The following KCND2 variants were observed in gnomAD, a reference collection of about 807,000 sequenced individuals.
KCND2 encodes the protein potassium voltage-gated channel subfamily D member 2, also known as A-type voltage-gated potassium channel KCND2.
KCND2 carries 16 observed loss-of-function variants against 54.4 expected under a neutral mutation model. The observed-to-expected ratio is 0.29, with a 90% CI of 0.20 to 0.45. The LOEUF (loss-of-function observed/expected upper bound fraction) is 0.45, where lower values mean the gene tolerates loss of function less well. KCND2 is among the 20% of genes least tolerant of loss of function. KCND2 has a pLI of 1.00. For missense variants in KCND2, 486 were observed against 824.2 expected (o/e 0.59, Z 5.02); for synonymous variants, 317 against 310.7 (o/e 1.02, Z -0.21).
chr7:120,313,826 T>A (rs1799774818), intron 1 of KCND2, among the ~76,000 whole-genome samples: 1 of 151,668 alleles, frequency 6.6e-6, no homozygotes, highest in Admixed American at 6.6e-5. Flanking sequence ...GATATTCTAC[T>A]GTAAGACATA....
At chr7:120,730,705 A>C (rs1243064128) in intron 1 of KCND2, among the ~76,000 whole-genome samples, 1 of 152,158 alleles carries the variant, frequency 6.6e-6, no homozygotes, top group Non-Finnish European at 1.5e-5. Flanking sequence ...GAGTACCTGG[A>C]TCTTCAAATC....
intron 1 of KCND2, among the ~76,000 whole-genome samples, chr7:120,530,809 A>G (rs548605311): frequency 1.3e-5 from 2 of 152,224 alleles, no homozygotes; most frequent in African/African-American, 4.8e-5. Context: ...AGTACCTGCA[A>G]TTCGTTGACA....
At chr7:120,285,460 A>G (rs1478926860) in intron 1 of KCND2, among the ~76,000 whole-genome samples, 1 of 152,022 alleles carries the variant, frequency 6.6e-6, no homozygotes, top group Non-Finnish European at 1.5e-5. Context: ...ACATTACTAT[A>G]GTTAGAAAAA....
At chr7:120,501,585 T>C (rs1802936131) in intron 1 of KCND2, among the ~76,000 whole-genome samples, 1 of 152,132 alleles carries the variant, frequency 6.6e-6, no homozygotes, top group African/African-American at 2.4e-5. Context: ...CTGAAATTAT[T>C]TGTAAAAGTG....
chr7:120,452,037 C>T (rs947179624), intron 1 of KCND2, among the ~76,000 whole-genome samples: 1 of 152,198 alleles, frequency 6.6e-6, no homozygotes, highest in African/African-American at 2.4e-5. Context: ...AATTTGATCA[C>T]TTTCTTCCTA....
At chr7:120,574,799 A>G (rs550867112) in intron 1 of KCND2, among the ~76,000 whole-genome samples, 57 of 152,270 alleles carry the variant, frequency 3.7e-4, no homozygotes, top group Admixed American at 7.9e-4. Flanking sequence ...CACTTTTGCA[A>G]CATCAACAAA....
intron 1 of KCND2, among the ~76,000 whole-genome samples, chr7:120,722,131 G>A (rs1045667608): frequency 1.3e-5 from 2 of 152,084 alleles, no homozygotes; most frequent in African/African-American, 4.8e-5. Context: ...TTTAGTAGCA[G>A]CATAAAAACA....
intron 1 of KCND2, among the ~76,000 whole-genome samples, chr7:120,498,906 T>C (rs538676959): frequency 4.9e-4 from 75 of 152,324 alleles, no homozygotes; most frequent in African/African-American, 1.4e-3. Context: ...CAATTTTGTA[T>C]TTTGTTTAGG....
rs1391334224 is a variant in KCND2 at position 120,748,483 on chromosome 7, ACTC to A, written c.*628_*630del. ...GTTCCATGGTGGGCTGTGCAAATAA[ACTC>A]CTTTTAGACCTGCAGTATTTCTCAT... On this transcript the variant is annotated 3_prime_UTR_variant, in exon 6 of 6. Coordinates refer to ENST00000331113, the MANE Select transcript of KCND2 (RefSeq NM_012281.3). 2 of 152,414 alleles carry A rather than the reference ACTC, an allele frequency of 1.3e-5. No individual in the cohort carries two copies. The highest frequency in any genetic ancestry group is 1.9e-4 in the East Asian group (1 of 5,196). 9.4% of individuals were successfully genotyped at this position (152,414 alleles called of 1,614,324 possible).
rs1049095142 is a variant in KCND2 at position 120,747,437 on chromosome 7, T to C, written c.1716-244T>C. On this transcript the variant is annotated intron_variant, in intron 5 of 5. Coordinates refer to ENST00000331113, the MANE Select transcript of KCND2 (RefSeq NM_012281.3). ...CTTTCTTTCTTACATTTTTTTATAA[T>C]ACATTTAGTTTGATAAATACTTGAT... Among the ~76,000 whole-genome samples, 3 of 152,108 alleles carry C rather than the reference T, an allele frequency of 2.0e-5. 1 individual carries two copies. The highest frequency in any genetic ancestry group is 7.2e-5 in the African/African-American group (3 of 41,454).
intron 1 of KCND2, among the ~76,000 whole-genome samples, chr7:120,583,245 C>T (rs1490025553): frequency 2.6e-5 from 4 of 152,034 alleles, no homozygotes; most frequent in Non-Finnish European, 4.4e-5. Flanking sequence ...CAGGACCCAC[C>T]GACACATTCA....
chr7:120,716,241 C>A (rs902679703), intron 1 of KCND2, among the ~76,000 whole-genome samples: 1 of 151,686 alleles, frequency 6.6e-6, no homozygotes, highest in Non-Finnish European at 1.5e-5. Context: ...TATGTATAAG[C>A]AGTAAATCAA....
chr7:120,280,550 A>G lies in KCND2; in HGVS notation c.1115+4803A>G, dbSNP rs187393723. Among the ~76,000 whole-genome samples, 200 of 152,106 alleles carry G rather than the reference A, an allele frequency of 1.3e-3. 1 individual carries two copies. In the East Asian group the frequency reaches 0.018, roughly 14 times the overall value. Reference sequence around the variant, plus strand: ...TGTCTTATTTTATTTTTATATTTACATCATTTACTTCTGAACATTCCTCTC... The same window carrying G: ...TGTCTTATTTTATTTTTATATTTACGTCATTTACTTCTGAACATTCCTCTC... On this transcript the variant is annotated intron_variant, in intron 1 of 5. Coordinates refer to ENST00000331113, the MANE Select transcript of KCND2 (RefSeq NM_012281.3).
At chr7:120,529,194 G>A (rs530310317) in intron 1 of KCND2, among the ~76,000 whole-genome samples, 2 of 152,208 alleles carry the variant, frequency 1.3e-5, no homozygotes, top group African/African-American at 4.8e-5. Context: ...TACCCCTCTT[G>A]AGGTTCCCAC....
intron 1 of KCND2, among the ~76,000 whole-genome samples, chr7:120,664,846 A>G (rs917297513): frequency 2.0e-5 from 3 of 152,100 alleles, no homozygotes; most frequent in African/African-American, 7.2e-5. Flanking sequence ...GTGTGGCGTT[A>G]GGTAAACTTT....
At chr7:120,281,722 G>A (rs909023246) in intron 1 of KCND2, among the ~76,000 whole-genome samples, 3 of 152,066 alleles carry the variant, frequency 2.0e-5, no homozygotes, top group Non-Finnish European at 2.9e-5. Flanking sequence ...TACCTAGTTC[G>A]GTGCTCAAAT....
intron 1 of KCND2, among the ~76,000 whole-genome samples, chr7:120,511,106 A>G (rs1803108052): frequency 1.3e-5 from 2 of 150,488 alleles, no homozygotes; most frequent in Admixed American, 6.7e-5. Flanking sequence ...GTCTCTTGCT[A>G]TTTTTTGTAC....
At chr7:120,636,889 C>T (rs1793311446) in intron 1 of KCND2, among the ~76,000 whole-genome samples, 1 of 152,128 alleles carries the variant, frequency 6.6e-6, no homozygotes, top group African/African-American at 2.4e-5. Context: ...TATATACCCT[C>T]TGACAAATGG....
chr7:120,726,146 T>C (rs1482438166), intron 1 of KCND2, among the ~76,000 whole-genome samples: 2 of 152,206 alleles, frequency 1.3e-5, no homozygotes, highest in African/African-American at 4.8e-5. Flanking sequence ...AAAAATGTTC[T>C]TGGGCTTTGA....
Sources: allele counts gnomAD v4.1 joint callset (sites outside exome capture counted in the v4.1 genomes callset), GRCh38; gene constraint gnomAD v4.1.1; transcripts MANE v1.5; gene names NCBI Gene and HGNC (gene_info 2026-07-23, HGNC 2026-07-21).